The following KIF26B variants were observed in gnomAD, a reference collection of about 807,000 sequenced individuals.
KIF26B encodes kinesin family member 26B, also known as kinesin-like protein KIF26B.
A neutral mutation model predicts 151.2 loss-of-function variants in KIF26B; 63 were observed. That is an observed-to-expected ratio of 0.42 (90% CI 0.34 to 0.51). The LOEUF (loss-of-function observed/expected upper bound fraction) is 0.51. KIF26B is among the 20% of genes least tolerant of loss of function. The pLI, the probability that KIF26B is intolerant of heterozygous loss-of-function variation, is 0.07. For missense variants in KIF26B, 2,813 were observed against 2,913.6 expected (o/e 0.97, Z 0.79); for synonymous variants, 1,357 against 1,262.1 (o/e 1.08, Z -1.59).
intron 2 of KIF26B, among the ~76,000 whole-genome samples, chr1:245,200,846 A>G (rs1267040115): frequency 6.6e-6 from 1 of 152,204 alleles, no homozygotes; most frequent in African/African-American, 2.4e-5. Context: ...ATCACAATGT[A>G]TGAGTAAAGG....
At position 245,611,949 on chromosome 1, in the gene KIF26B, C is replaced by T. The variant is rs771571124; in HGVS notation, c.2071C>T (p.Arg691Trp). 9.9e-6 allele frequency: 16 copies of T among 1,613,132 alleles called. No individual in the cohort carries two copies. Among genetic ancestry groups the T allele is most frequent in the East Asian group, 4.5e-5 (2 of 44,854 alleles). ...VFFTLHIYQY[R>W]MEKSGKGGMS... ...CTTCACACTGCACATCTACCAGTAC[C>T]GGATGGAGAAGAGCGGGAAAGGGGG... Residue 691 changes from arginine to tryptophan, a missense_variant, in exon 9 of 15, where the codon CGG (arginine) becomes TGG (tryptophan). Arg to Trp is a moderately radical substitution (Grantham distance 101). This residue lies in a region of KIF26B where 2,060 missense variants were observed against 2,088.6 expected (regional missense o/e 0.99). Coordinates refer to ENST00000407071, the MANE Select transcript of KIF26B (RefSeq NM_018012.4).
At position 245,707,700 on chromosome 1, in the gene KIF26B, C is replaced by T. The variant is rs964604060; in HGVS notation, c.*5094C>T. ...AGAATAGGGATTAGGGTCCAATCCT[C>T]AATGCACAGGGCTTAGTTCAAAATC... On this transcript the variant is annotated 3_prime_UTR_variant, in exon 15 of 15. Coordinates refer to ENST00000407071, the MANE Select transcript of KIF26B (RefSeq NM_018012.4). The T allele has an allele frequency of 6.6e-6, 1 of 152,184 alleles. No homozygotes were observed. Among genetic ancestry groups the T allele is most frequent in the African/African-American group, 2.4e-5 (1 of 41,448 alleles). 9.4% of individuals were successfully genotyped at this position (152,184 alleles called of 1,614,324 possible).
intron 4 of KIF26B, among the ~76,000 whole-genome samples, chr1:245,444,216 T>C (rs1659196621): frequency 6.6e-6 from 1 of 151,842 alleles, no homozygotes; most frequent in African/African-American, 2.4e-5. Context: ...GGAGAGGTCA[T>C]CTCCCTCACT....
At chr1:245,628,648 A>T (rs953641321) in intron 9 of KIF26B, among the ~76,000 whole-genome samples, 1 of 152,186 alleles carries the variant, frequency 6.6e-6, no homozygotes, top group Non-Finnish European at 1.5e-5. Context: ...AGCCAATATC[A>T]TAATGGGCAA....
intron 4 of KIF26B, among the ~76,000 whole-genome samples, chr1:245,455,435 C>T (rs1376731043): frequency 6.6e-6 from 1 of 152,010 alleles, no homozygotes; most frequent in African/African-American, 2.4e-5. Context: ...ACCCGGGAGG[C>T]GGAGGTTGCA....
At chr1:245,324,194 G>C (rs996826282) in intron 2 of KIF26B, among the ~76,000 whole-genome samples, 3 of 152,154 alleles carry the variant, frequency 2.0e-5, no homozygotes, top group African/African-American at 7.2e-5. Context: ...AGGTGGGGTG[G>C]GCTCTGCCAT....
At chr1:245,452,306 A>G (rs559301462) in intron 4 of KIF26B, among the ~76,000 whole-genome samples, 49 of 152,168 alleles carry the variant, frequency 3.2e-4, no homozygotes, top group Non-Finnish European at 5.9e-4. Context: ...CATTGTATGT[A>G]TTATATATAC....
chr1:245,319,457 G>T (rs1342853503), intron 2 of KIF26B, among the ~76,000 whole-genome samples: 1 of 151,834 alleles, frequency 6.6e-6, no homozygotes, highest in Non-Finnish European at 1.5e-5. Flanking sequence ...ACTTATTGTT[G>T]AGGTGACTTC....
chr1:245,673,237 CG>C (rs1199342423), intron 10 of KIF26B, among the ~76,000 whole-genome samples: 4 of 83,790 alleles, frequency 4.8e-5, no homozygotes. Context: ...GCCCAGTCCC[CG>C]AGGCCCAGTC....
intron 10 of KIF26B, among the ~76,000 whole-genome samples, chr1:245,676,972 C>G (rs1303032627): frequency 1.3e-5 from 2 of 152,138 alleles, no homozygotes; most frequent in Admixed American, 1.3e-4. Flanking sequence ...TCGGGAAGAA[C>G]GCGTCTCTCC....
intron 2 of KIF26B, among the ~76,000 whole-genome samples, chr1:245,248,921 C>CT (rs1670388050): frequency 6.6e-6 from 1 of 152,082 alleles, no homozygotes; most frequent in African/African-American, 2.4e-5. Context: ...ATTGAAGGAG[C>CT]CTTCATGGAG....
At chr1:245,441,136 G>A (rs866222638) in intron 4 of KIF26B, among the ~76,000 whole-genome samples, 9 of 152,128 alleles carry the variant, frequency 5.9e-5, no homozygotes, top group African/African-American at 1.7e-4. Flanking sequence ...AGCCATCTGC[G>A]TGCTTGGAAC....
chr1:245,533,815 A>G (rs1661432231), intron 4 of KIF26B, among the ~76,000 whole-genome samples: 1 of 152,036 alleles, frequency 6.6e-6, no homozygotes, highest in Admixed American at 6.5e-5. Flanking sequence ...GTCAAAATCA[A>G]GTTCCCCCTC....
intron 2 of KIF26B, among the ~76,000 whole-genome samples, chr1:245,271,598 A>G (rs1034525562): frequency 7.7e-6 from 1 of 130,644 alleles, no homozygotes; most frequent in Non-Finnish European, 1.6e-5. Context: ...TTTTTTTTTT[A>G]CATATTTTGA....
At chr1:245,536,871 G>A (rs1374789021) in intron 4 of KIF26B, among the ~76,000 whole-genome samples, 2 of 152,166 alleles carry the variant, frequency 1.3e-5, no homozygotes, top group African/African-American at 2.4e-5. Flanking sequence ...GCGTTCCCAC[G>A]GTGAGTGTCT....
At chr1:245,439,548 C>G (rs1659017551) in intron 4 of KIF26B, among the ~76,000 whole-genome samples, 1 of 151,836 alleles carries the variant, frequency 6.6e-6, no homozygotes, top group Non-Finnish European at 1.5e-5. Context: ...ATTTTTTCCC[C>G]CAAGGGCTCA....
intron 2 of KIF26B, among the ~76,000 whole-genome samples, chr1:245,249,666 A>G (rs1420257524): frequency 1.3e-5 from 2 of 151,944 alleles, no homozygotes; most frequent in Non-Finnish European, 2.9e-5. Flanking sequence ...TATTTTTAGT[A>G]GAGATGGGGT....
intron 2 of KIF26B, among the ~76,000 whole-genome samples, chr1:245,209,722 T>C (rs1669476264): frequency 6.6e-6 from 1 of 152,216 alleles, no homozygotes; most frequent in Admixed American, 6.5e-5. Flanking sequence ...GCAAGGTGCC[T>C]ATGGCTTTGA....
intron 2 of KIF26B, among the ~76,000 whole-genome samples, chr1:245,312,449 T>C (rs776989947): frequency 9.9e-5 from 15 of 152,178 alleles, no homozygotes; most frequent in Non-Finnish European, 2.2e-4. Context: ...TTGCCTCTCT[T>C]TTTGTGTGTA....
Sources: allele counts gnomAD v4.1 joint callset (sites outside exome capture counted in the v4.1 genomes callset), GRCh38; gene constraint gnomAD v4.1.1; regional missense constraint gnomAD v4.1.1; transcripts MANE v1.5; gene names NCBI Gene and HGNC (gene_info 2026-07-23, HGNC 2026-07-21).